MAD1L1: variants seen among roughly 807,000 people sequenced by gnomAD.
MAD1L1 encodes the protein mitotic spindle assembly checkpoint protein MAD1.
A neutral mutation model predicts 96.9 loss-of-function variants in MAD1L1; 95 were observed. That is an observed-to-expected ratio of 0.98 (90% CI 0.83 to 1.16). The LOEUF is 1.16. MAD1L1 is among the 50% of genes most tolerant of loss of function. The pLI is 0.00. For missense variants in MAD1L1, 1,007 were observed against 954.4 expected, an observed-to-expected ratio of 1.06 and a Z score of -0.73; for synonymous variants, 473 against 396.6, an observed-to-expected ratio of 1.19 and a Z score of -2.29.
chr7:1,944,324 C>T (rs765649704), intron 16 of MAD1L1, among the ~76,000 whole-genome samples: 1 of 152,186 alleles, frequency 6.6e-6, no homozygotes, highest in African/African-American at 2.4e-5. Flanking sequence ...ACATAAAAGT[C>T]GCTGAACTGC....
chr7:2,173,619 C>T (rs972863329), intron 10 of MAD1L1, among the ~76,000 whole-genome samples: 3 of 152,160 alleles, frequency 2.0e-5, no homozygotes, highest in Admixed American at 6.5e-5. Flanking sequence ...GAGACTTTCT[C>T]GGCACCACTT....
chr7:2,157,157 T>G (rs886088500), intron 10 of MAD1L1, among the ~76,000 whole-genome samples: 4 of 152,220 alleles, frequency 2.6e-5, no homozygotes, highest in African/African-American at 9.6e-5. Flanking sequence ...TTTTGATCAT[T>G]TGATATATAC....
intron 15 of MAD1L1, among the ~76,000 whole-genome samples, chr7:1,973,944 G>A (rs180674915): frequency 9.5e-4 from 145 of 152,362 alleles, no homozygotes; most frequent in African/African-American, 3.3e-3. Context: ...GGCTGGGGCA[G>A]GAGACGCGCT....
chr7:1,888,335 C>A (rs973531840), intron 18 of MAD1L1, among the ~76,000 whole-genome samples: 39 of 109,198 alleles, frequency 3.6e-4, no homozygotes, highest in African/African-American at 1.3e-3. Context: ...TGCATGCGTG[C>A]GGCTGCCTGT....
intron 11 of MAD1L1, among the ~76,000 whole-genome samples, chr7:2,128,488 A>T (rs924022915): frequency 6.6e-6 from 1 of 152,204 alleles, no homozygotes; most frequent in Admixed American, 6.5e-5. Flanking sequence ...CTTCTGGAAG[A>T]TGGCCGTTCA....
chr7:1,917,541 T>C (rs1203155526), intron 17 of MAD1L1, among the ~76,000 whole-genome samples: 2 of 152,194 alleles, frequency 1.3e-5, no homozygotes, highest in Non-Finnish European at 2.9e-5. Context: ...ACTGAAGAGC[T>C]CCCACTTCAA....
intron 18 of MAD1L1, among the ~76,000 whole-genome samples, chr7:1,885,151 G>C (rs1278831741): frequency 6.6e-6 from 1 of 152,166 alleles, no homozygotes; most frequent in Non-Finnish European, 1.5e-5. Flanking sequence ...GGAAGAGAAA[G>C]GACCTCGCTG....
At chr7:2,064,516 A>G (rs1784795027) in intron 12 of MAD1L1, among the ~76,000 whole-genome samples, 1 of 152,270 alleles carries the variant, frequency 6.6e-6, no homozygotes, top group African/African-American at 2.4e-5. Flanking sequence ...CATAGCAGGA[A>G]GAGAGCAGCT....
intron 12 of MAD1L1, among the ~76,000 whole-genome samples, chr7:2,026,743 A>G (rs1489774455): frequency 1.3e-5 from 2 of 152,232 alleles, no homozygotes; most frequent in East Asian, 1.9e-4. Context: ...ACTTGAGCCC[A>G]ATGATAAGGA....
At chr7:1,821,064 C>T (rs1165678321) in intron 18 of MAD1L1, among the ~76,000 whole-genome samples, 2 of 122,084 alleles carry the variant, frequency 1.6e-5, no homozygotes, top group Non-Finnish European at 3.2e-5. Context: ...CTGAGCAACA[C>T]AGCGAGACTC....
chr7:2,191,687 T>G lies in MAD1L1; in HGVS notation c.986+21525A>C, dbSNP rs1349833188. Among the ~76,000 whole-genome samples, 3 of 152,038 alleles carry G rather than the reference T, an allele frequency of 2.0e-5. No homozygotes were observed. In the East Asian group the frequency reaches 5.8e-4, roughly 29 times the overall value. On this transcript the variant is annotated intron_variant, in intron 10 of 18. Coordinates refer to ENST00000265854, the MANE Select transcript of MAD1L1 (RefSeq NM_001013836.2). ...CAGAGACTGCAGTAAGCCATGATTG[T>G]GCCACTACACTCCAGCCTGGGCCAC...
intron 12 of MAD1L1, among the ~76,000 whole-genome samples, chr7:2,042,890 TCCAC>T (rs1391330149): frequency 1.7e-5 from 2 of 118,058 alleles, no homozygotes; most frequent in East Asian, 2.0e-4. Flanking sequence ...CATGTCCACG[TCCAC>T]GTCCACGTCC....
intron 18 of MAD1L1, among the ~76,000 whole-genome samples, chr7:1,824,697 C>A (rs141373345): frequency 0.011 from 1,714 of 152,314 alleles, 18 homozygotes; most frequent in Non-Finnish European, 0.019. Flanking sequence ...AGCCATAGGT[C>A]CCTGTGAACC....
At chr7:1,924,809 A>G (rs1484319260) in intron 17 of MAD1L1, among the ~76,000 whole-genome samples, 1 of 152,254 alleles carries the variant, frequency 6.6e-6, no homozygotes, top group Non-Finnish European at 1.5e-5. Context: ...TAGGACTACT[A>G]CAACATAAAG....
chr7:2,002,447 G>A lies in MAD1L1; in HGVS notation c.1360-326C>T, dbSNP rs573746623. ...GACAGGGGTGGGCCCAAGAGGGACT[G>A]TGGAACTGGGGAGAGACGGAGGGAA... On this transcript the variant is annotated intron_variant, in intron 13 of 18. Coordinates refer to ENST00000265854, the MANE Select transcript of MAD1L1 (RefSeq NM_001013836.2). Among the ~76,000 whole-genome samples, 9 of 152,362 alleles carry A rather than the reference G, an allele frequency of 5.9e-5. No homozygotes were observed. In the South Asian group the frequency reaches 1.9e-3, roughly 32 times the overall value.
chr7:2,096,653 G>A (rs1033325394), intron 11 of MAD1L1, among the ~76,000 whole-genome samples: 1 of 152,166 alleles, frequency 6.6e-6, no homozygotes, highest in Non-Finnish European at 1.5e-5. Flanking sequence ...CTCGGCAGAG[G>A]ACAGGAGGAA....
intron 12 of MAD1L1, among the ~76,000 whole-genome samples, chr7:2,068,783 G>A (rs569841153): frequency 1.2e-4 from 18 of 152,324 alleles, no homozygotes; most frequent in African/African-American, 4.3e-4. Context: ...GGCACACCTG[G>A]AAGCAGGTGA....
intron 10 of MAD1L1, 59 bp downstream of exon 10, chr7:2,213,153 C>A (rs769360143): frequency 8.3e-6 from 13 of 1,572,162 alleles, no homozygotes; most frequent in Non-Finnish European, 1.1e-5. Flanking sequence ...GCAGGCTCTG[C>A]TCTTCACCCA....
In MAD1L1 at chr7:2,014,533, T is replaced by A; in HGVS notation, c.1328A>T (p.Gln443Leu). The change falls in exon 13 of 19, where the codon CAG becomes CTG. Residue 443 changes from glutamine to leucine, a missense_variant. Gln to Leu is a moderately radical substitution (Grantham distance 113). Coordinates refer to ENST00000265854, the MANE Select transcript of MAD1L1 (RefSeq NM_001013836.2). ...CTCGGCGCTGTGGCTGTGCACCTTCTGCACCATATCCTCAGCCTCCCGCAT... is the reference window on the plus strand; with the variant it reads ...CTCGGCGCTGTGGCTGTGCACCTTCAGCACCATATCCTCAGCCTCCCGCAT... ...RRMREAEDMVQKVHSHSAEME... is the reference protein window; with the variant it reads ...RRMREAEDMVLKVHSHSAEME... The A allele has an allele frequency of 6.2e-7, 1 of 1,608,336 alleles. No individual in the cohort carries two copies. The highest frequency in any genetic ancestry group is 8.5e-7 in the Non-Finnish European group (1 of 1,179,490).
Sources: allele counts gnomAD v4.1 joint callset (sites outside exome capture counted in the v4.1 genomes callset), GRCh38; gene constraint gnomAD v4.1.1; transcripts MANE v1.5; gene names NCBI Gene and HGNC (gene_info 2026-07-23, HGNC 2026-07-21).